Variants in OLA1 observed in about 807,000 individuals in gnomAD.
OLA1 encodes Obg like ATPase 1, also known as obg-like ATPase 1.
A neutral mutation model predicts 48.4 loss-of-function variants in OLA1; 14 were observed. The ratio of observed to expected loss-of-function variants is 0.29; its 90% CI spans 0.19 to 0.45. The LOEUF (loss-of-function observed/expected upper bound fraction) is 0.45. Among genes scored for constraint, OLA1 ranks in the 20% least tolerant of loss-of-function variants. OLA1 has a pLI of 1.00. For missense variants in OLA1, 325 were observed against 467.1 expected, an observed-to-expected ratio of 0.70 and a Z score of 2.80; for synonymous variants, 127 against 150.4, an observed-to-expected ratio of 0.84 and a Z score of 1.14.
At chr2:174,089,901 CAAAA>C (rs549770214) in intron 7 of OLA1, among the ~76,000 whole-genome samples, 5 of 53,426 alleles carry the variant, frequency 9.4e-5, no homozygotes, top group Non-Finnish European at 8.2e-5. Flanking sequence ...GACCCTGTCT[CAAAA>C]AAAAAAAAAA....
intron 4 of OLA1, among the ~76,000 whole-genome samples, chr2:174,154,644 T>A (rs978978056): frequency 2.6e-5 from 4 of 152,220 alleles, no homozygotes; most frequent in Non-Finnish European, 4.4e-5. Context: ...TGGAATAAAG[T>A]ACAGTAAAAC....
chr2:174,124,038 G>C (rs1685984424), intron 5 of OLA1, among the ~76,000 whole-genome samples: 1 of 152,110 alleles, frequency 6.6e-6, no homozygotes, highest in Non-Finnish European at 1.5e-5. Flanking sequence ...GGGATATACT[G>C]AAGAAAGACT....
intron 1 of OLA1, chr2:174,247,314 G>A (rs1574580487): frequency 5.3e-6 from 1 of 189,534 alleles, no homozygotes; most frequent in Non-Finnish European, 1.1e-5. Flanking sequence ...CGAAGGTTGC[G>A]GTGCGCCAAG....
At chr2:174,153,462 C>A (rs551909866) in intron 4 of OLA1, among the ~76,000 whole-genome samples, 2 of 152,176 alleles carry the variant, frequency 1.3e-5, no homozygotes, top group African/African-American at 4.8e-5. Flanking sequence ...TAGTAGCAAT[C>A]AAAAAAGCCT....
At chr2:174,128,176 T>C (rs1686088834) in intron 5 of OLA1, among the ~76,000 whole-genome samples, 1 of 151,784 alleles carries the variant, frequency 6.6e-6, no homozygotes, top group South Asian at 2.1e-4. Flanking sequence ...GAGGCTGGCT[T>C]GAGGCTAGGA....
chr2:174,099,130 G>A (rs536661213), intron 7 of OLA1, among the ~76,000 whole-genome samples: 27 of 152,042 alleles, frequency 1.8e-4, no homozygotes, highest in African/African-American at 5.3e-4. Flanking sequence ...AGTAGAAAGC[G>A]TATTTGAGTT....
intron 4 of OLA1, among the ~76,000 whole-genome samples, chr2:174,143,710 C>T (rs1030443182): frequency 3.3e-5 from 5 of 151,902 alleles, no homozygotes; most frequent in Non-Finnish European, 7.4e-5. Context: ...CTTCTGAAAG[C>T]AAAGAAAACA....
At chr2:174,215,943 G>C (rs1688352107) in intron 4 of OLA1, among the ~76,000 whole-genome samples, 1 of 152,068 alleles carries the variant, frequency 6.6e-6, no homozygotes, top group South Asian at 2.1e-4. Flanking sequence ...GCTGTAAAAA[G>C]TAATCCCTTG....
chr2:174,090,626 T>C (rs1685093443), intron 7 of OLA1, among the ~76,000 whole-genome samples: 1 of 152,188 alleles, frequency 6.6e-6, no homozygotes, highest in Admixed American at 6.5e-5. Flanking sequence ...GGAGACTATT[T>C]TGGATTTCAT....
At chr2:174,212,916 C>G (rs1471387636) in intron 4 of OLA1, among the ~76,000 whole-genome samples, 1 of 152,166 alleles carries the variant, frequency 6.6e-6, no homozygotes, top group African/African-American at 2.4e-5. Context: ...GGCTGTTTTA[C>G]AGTTAACTTT....
rs576775030 is a variant in OLA1 at position 174,179,760 on chromosome 2, A to G, written c.374-37760T>C. Among the ~76,000 whole-genome samples, 210 of 152,204 alleles carry G rather than the reference A, an allele frequency of 1.4e-3. 1 individual carries two copies. The highest frequency in any genetic ancestry group is 3.4e-3 in the Middle Eastern group (1 of 294). ...CCCAGACCTTAGGGTTTTACATCTGACACTGTAAGCACTTAATAAATGTTT... is the reference window on the plus strand; with the variant it reads ...CCCAGACCTTAGGGTTTTACATCTGGCACTGTAAGCACTTAATAAATGTTT... On this transcript the variant is annotated intron_variant, in intron 4 of 10. Transcript: ENST00000284719.
intron 9 of OLA1, among the ~76,000 whole-genome samples, chr2:174,080,012 G>A (rs572609627): frequency 1.3e-5 from 2 of 151,956 alleles, no homozygotes; most frequent in East Asian, 3.9e-4. Flanking sequence ...AAAGTTTTAA[G>A]GCTTTAAAAT....
At chr2:174,163,545 C>T (rs561376238) in intron 4 of OLA1, among the ~76,000 whole-genome samples, 11 of 150,850 alleles carry the variant, frequency 7.3e-5, no homozygotes, top group African/African-American at 1.5e-4. Flanking sequence ...GAAAATTAGC[C>T]GGGCATGGTG....
At chr2:174,186,434 G>C (rs189731812) in intron 4 of OLA1, among the ~76,000 whole-genome samples, 2 of 152,270 alleles carry the variant, frequency 1.3e-5, no homozygotes, top group East Asian at 3.9e-4. Context: ...TGACTTCTGT[G>C]ACAGCTCACA....
At chr2:174,203,853 A>C (rs1482424094) in intron 4 of OLA1, among the ~76,000 whole-genome samples, 2 of 149,914 alleles carry the variant, frequency 1.3e-5, no homozygotes, top group Non-Finnish European at 3.0e-5. Flanking sequence ...GGAGTGCAAC[A>C]GCACGATCTC....
intron 4 of OLA1, among the ~76,000 whole-genome samples, chr2:174,144,650 G>A (rs2165211): frequency 0.12 from 17,913 of 151,536 alleles, 1,366 homozygotes; most frequent in East Asian, 0.21. Flanking sequence ...AAGATTTAAT[G>A]CTTAAGAATA....
At chr2:174,081,394 C>G in intron 8 of OLA1, 146 bp from the exon 9 acceptor site, 1 of 599,586 alleles carries the variant, frequency 1.7e-6, no homozygotes, top group Non-Finnish European at 2.9e-6. Context: ...TGGAAGGGTT[C>G]AGAAAGCAAG....
chr2:174,210,113 CAAG>C (rs1688208553), intron 4 of OLA1, among the ~76,000 whole-genome samples: 2 of 152,126 alleles, frequency 1.3e-5, no homozygotes, highest in Admixed American at 1.3e-4. Flanking sequence ...AAGATATATT[CAAG>C]AATAAAAACA....
intron 7 of OLA1, among the ~76,000 whole-genome samples, chr2:174,108,275 G>A (rs188071624): frequency 8.7e-4 from 133 of 152,012 alleles, no homozygotes; most frequent in Non-Finnish European, 1.3e-3. Flanking sequence ...TTTCAAAATC[G>A]TTTGCTAGCA....
Sources: allele counts gnomAD v4.1 joint callset (sites outside exome capture counted in the v4.1 genomes callset), GRCh38; gene constraint gnomAD v4.1.1; transcripts MANE v1.5; gene names NCBI Gene and HGNC (gene_info 2026-07-23, HGNC 2026-07-21).